TOX2: variants seen among roughly 807,000 people sequenced by gnomAD.
The protein encoded by TOX2 is TOX high mobility group box family member 2.
Under a neutral mutation model 47.4 loss-of-function variants are expected in TOX2, and 15 were observed. The observed-to-expected ratio is 0.32, with a 90% CI of 0.21 to 0.49. The LOEUF is 0.49. Ranked by LOEUF, TOX2 falls within the 20% of genes least tolerant of loss-of-function variation. TOX2 has a pLI of 0.99. For synonymous variants in TOX2, 290 were observed against 296.6 expected, an observed-to-expected ratio of 0.98 and a Z score of 0.23; for missense variants, 622 against 673.1, an observed-to-expected ratio of 0.92 and a Z score of 0.84.
intron 2 of TOX2, among the ~76,000 whole-genome samples, chr20:43,987,006 A>G (rs911959845): frequency 7.9e-5 from 12 of 152,166 alleles, no homozygotes; most frequent in Non-Finnish European, 1.5e-4. Flanking sequence ...TGAGGCTGCA[A>G]TGAGCCATGT....
chr20:44,059,771 A>G (rs2071683772), intron 5 of TOX2, among the ~76,000 whole-genome samples: 1 of 152,236 alleles, frequency 6.6e-6, no homozygotes, highest in Non-Finnish European at 1.5e-5. Flanking sequence ...CTTGAAACAA[A>G]TTTTTGAAAT....
chr20:43,945,022 C>T (rs750171429), intron 1 of TOX2, among the ~76,000 whole-genome samples: 11 of 152,142 alleles, frequency 7.2e-5, no homozygotes, highest in Non-Finnish European at 1.5e-4. Flanking sequence ...ATCCCAAGCC[C>T]GATCAAGGCT....
intron 3 of TOX2, among the ~76,000 whole-genome samples, chr20:44,028,282 G>A (rs2071095681): frequency 6.6e-6 from 1 of 152,080 alleles, no homozygotes; most frequent in Admixed American, 6.5e-5. Flanking sequence ...TTCCCAGAGG[G>A]GGTGCTGTGG....
intron 3 of TOX2, among the ~76,000 whole-genome samples, chr20:44,037,831 G>T (rs377451792): frequency 6.6e-6 from 1 of 152,248 alleles, no homozygotes; most frequent in African/African-American, 2.4e-5. Context: ...TACCAGTAAC[G>T]GGGCGATGCT....
chr20:44,055,590 G>A (rs1480372706), intron 5 of TOX2, among the ~76,000 whole-genome samples: 1 of 152,182 alleles, frequency 6.6e-6, no homozygotes, highest in East Asian at 1.9e-4. Context: ...AAGTAGTCAG[G>A]CCCTGTTCTA....
chr20:43,958,977 T>G lies in TOX2; in HGVS notation c.100-14390T>G, dbSNP rs1057502114. On this transcript the variant is annotated intron_variant, in intron 1 of 8. Coordinates refer to ENST00000341197, the MANE Select transcript of TOX2 (RefSeq NM_001098797.2). ...ATGCCTTGGAGTGCAGTTTTCTGTT[T>G]TCTGGGAGAGAAAAGGCCTCTTAGG... Among the ~76,000 whole-genome samples, 3 of 152,230 alleles carry G rather than the reference T, an allele frequency of 2.0e-5. 1 individual carries two copies. The South Asian group carries it at 6.2e-4, about 32-fold the overall frequency.
chr20:43,961,858 A>C (rs1429088973), intron 1 of TOX2, among the ~76,000 whole-genome samples: 1 of 152,004 alleles, frequency 6.6e-6, no homozygotes, highest in Non-Finnish European at 1.5e-5. Context: ...CAAAGTCGCG[A>C]GCCCAATCAG....
rs150514492 is a variant in TOX2 at position 44,065,870 on chromosome 20, C to T, written c.1119C>T (p.Leu373=). The T allele has an allele frequency of 2.5e-5, 40 of 1,613,254 alleles. No individual in the cohort carries two copies. In the South Asian group the frequency reaches 2.5e-4, roughly 10 times the overall value. ...GCAGTGGGGCCTCCCCTGCCAGCCT[C>T]GCCCGGACGCTGGGCTCCAAGTCTC... ...AFRSGASPAS[L]ARTLGSKSLL... is the part of the protein sequence containing the mutation. Residue 373 remains leucine, a synonymous_variant, in exon 7 of 9, where the codon CTC becomes CTT. Transcript: ENST00000341197.
intron 6 of TOX2, among the ~76,000 whole-genome samples, chr20:44,065,200 G>A (rs770136820): frequency 6.6e-6 from 1 of 152,130 alleles, no homozygotes; most frequent in African/African-American, 2.4e-5. Flanking sequence ...CTTGGGACAC[G>A]CTACCCCAAA....
intron 2 of TOX2, among the ~76,000 whole-genome samples, chr20:43,987,729 G>A (rs1188584804): frequency 6.6e-6 from 1 of 151,934 alleles, no homozygotes; most frequent in Non-Finnish European, 1.5e-5. Context: ...TAACTTCCTG[G>A]GAGGGAAAGA....
chr20:43,969,367 G>A (rs1447277310), intron 1 of TOX2, among the ~76,000 whole-genome samples: 1 of 149,236 alleles, frequency 6.7e-6, no homozygotes, highest in Non-Finnish European at 1.5e-5. Flanking sequence ...GGGTGTAGAT[G>A]TGGGTGTTTT....
At position 43,915,102 on chromosome 20, in the gene TOX2, G is replaced by A. The variant is rs1164288444; in HGVS notation, c.99+112G>A. 3.8e-6 allele frequency: 2 copies of A among 530,008 alleles called. No individual in the cohort carries two copies. The highest frequency in any genetic ancestry group is 8.0e-5 in the South Asian group (1 of 12,528). 32.8% of individuals were successfully genotyped at this position (530,008 alleles called of 1,614,324 possible). A position where few individuals can be genotyped will look rare whatever the true frequency, so the allele number is the denominator to read the frequency against. On this transcript the variant is annotated intron_variant, in intron 1 of 8. Transcript: ENST00000341197. This position sits in a 1 kb window ranked among gnomAD's most constrained non-coding sequence, Gnocchi z 7.1. ...GGCCGCGCACATCAGCCCCGCCGAC[G>A]GGCACGGGCGGCTCACATCGATCCC...
intron 6 of TOX2, among the ~76,000 whole-genome samples, chr20:44,065,298 A>AGTGGAG (rs1335301317): frequency 1.3e-5 from 2 of 152,198 alleles, no homozygotes; most frequent in Non-Finnish European, 2.9e-5. Flanking sequence ...GCGTGGCCCA[A>AGTGGAG]GTGGAGGTGG....
chr20:43,933,338 T>G (rs956656220), intron 1 of TOX2, among the ~76,000 whole-genome samples: 1 of 152,184 alleles, frequency 6.6e-6, no homozygotes, highest in Non-Finnish European at 1.5e-5. Context: ...AGTTGGCTGA[T>G]CCCCACAGAG....
intron 1 of TOX2, among the ~76,000 whole-genome samples, chr20:43,967,761 G>A (rs942542590): frequency 3.9e-5 from 6 of 152,080 alleles, no homozygotes; most frequent in African/African-American, 1.4e-4. Flanking sequence ...TTATGAATAT[G>A]TTGAGTTAAA....
In TOX2 at chr20:43,929,760, A is replaced by G. The variant is rs149848041; in HGVS notation, c.99+14770A>G. On this transcript the variant is annotated intron_variant, in intron 1 of 8. Transcript: ENST00000341197. ...AGTCTCGCTCTGTTGCCCAGGTTGG[A>G]GTGCAGTGGTGCGATCTCAGCTCAC... Among the ~76,000 whole-genome samples, 3 of 151,976 alleles carry G rather than the reference A, an allele frequency of 2.0e-5. No individual in the cohort carries two copies. In the East Asian group the frequency reaches 5.8e-4, roughly 29 times the overall value.
intron 4 of TOX2, among the ~76,000 whole-genome samples, chr20:44,053,966 A>C (rs2071572837): frequency 6.6e-6 from 1 of 152,222 alleles, no homozygotes; most frequent in Non-Finnish European, 1.5e-5. Context: ...CAAAGGTGAT[A>C]GTTTCAGCGC....
chr20:43,951,848 C>T (rs942915246), intron 1 of TOX2, among the ~76,000 whole-genome samples: 1 of 150,392 alleles, frequency 6.6e-6, no homozygotes, highest in Non-Finnish European at 1.5e-5. Context: ...ATTAGGACTA[C>T]AGGTACATAC....
intron 1 of TOX2, among the ~76,000 whole-genome samples, chr20:43,953,850 CTAGGT>C (rs1482673262): frequency 6.6e-6 from 1 of 152,158 alleles, no homozygotes; most frequent in African/African-American, 2.4e-5. Flanking sequence ...TGGTTTGCGA[CTAGGT>C]TAGAAGACTG....
Sources: allele counts gnomAD v4.1 joint callset (sites outside exome capture counted in the v4.1 genomes callset), GRCh38; gene constraint gnomAD v4.1.1; non-coding constraint Gnocchi (gnomAD v3.1); transcripts MANE v1.5; gene names NCBI Gene and HGNC (gene_info 2026-07-23, HGNC 2026-07-21).